Variants in VWA8 observed in about 807,000 individuals in gnomAD.
VWA8 encodes the protein von Willebrand factor A domain-containing protein 8.
VWA8 carries 221 observed loss-of-function variants against 241.5 expected under a neutral mutation model. The observed-to-expected ratio is 0.91, with a 90% CI of 0.82 to 1.02. The LOEUF (loss-of-function observed/expected upper bound fraction) is 1.02, where lower values mean the gene tolerates loss of function less well. Ranked by LOEUF, VWA8 falls within the 50% of genes least tolerant of loss-of-function variation. VWA8 has a pLI of 0.00. For synonymous variants in VWA8, 852 were observed against 827.1 expected, an observed-to-expected ratio of 1.03 and a Z score of -0.52; for missense variants, 2,322 against 2,328.7, an observed-to-expected ratio of 1.00 and a Z score of 0.06.
At chr13:41,766,970 A>T (rs2045783382) in intron 20 of VWA8, among the ~76,000 whole-genome samples, 1 of 152,196 alleles carries the variant, frequency 6.6e-6, no homozygotes, top group Non-Finnish European at 1.5e-5. Context: ...ACAGTGAGGA[A>T]GCAAATCCAG....
intron 43 of VWA8, among the ~76,000 whole-genome samples, chr13:41,573,480 A>ATAAATAAAT (rs1236419922): frequency 8.9e-6 from 1 of 112,466 alleles, no homozygotes; most frequent in African/African-American, 4.3e-5. Context: ...AGTTTAAAAA[A>ATAAATAAAT]AAAAAAATAT....
chr13:41,807,295 T>C (rs1349125699), intron 17 of VWA8, among the ~76,000 whole-genome samples: 1 of 152,086 alleles, frequency 6.6e-6, no homozygotes, highest in Non-Finnish European at 1.5e-5. Flanking sequence ...ACTGAAACCA[T>C]TCTGAAAAAT....
intron 40 of VWA8, among the ~76,000 whole-genome samples, chr13:41,604,807 T>C (rs1423965043): frequency 1.3e-5 from 2 of 152,182 alleles, no homozygotes; most frequent in Non-Finnish European, 2.9e-5. Flanking sequence ...GCACAATTTC[T>C]AATTTGAAAT....
Position 41,662,468 on chromosome 13 carries a change from A to G in VWA8, c.4611+8478T>C, listed in dbSNP as rs73181197. On this transcript the variant is annotated intron_variant, in intron 37 of 44. Transcript: ENST00000379310. Reference sequence around the variant, plus strand: ...TTATCAATTGTTAGTATATAGAAATATAATTGATTTTTGGCTTCGATAAAC... The same window carrying G: ...TTATCAATTGTTAGTATATAGAAATGTAATTGATTTTTGGCTTCGATAAAC... Among the ~76,000 whole-genome samples, 635 of 151,626 alleles carry G rather than the reference A, an allele frequency of 4.2e-3. 2 individuals carry two copies. Among genetic ancestry groups the G allele is most frequent in the Non-Finnish European group, 6.0e-3 (406 of 67,882 alleles).
At chr13:41,716,006 C>T (rs1467450680) in intron 26 of VWA8, among the ~76,000 whole-genome samples, 5 of 152,086 alleles carry the variant, frequency 3.3e-5, no homozygotes, top group Admixed American at 3.3e-4. Context: ...ATACTTTCTC[C>T]CGTATACTTC....
At chr13:41,872,742 A>C (rs1873693993) in intron 9 of VWA8, among the ~76,000 whole-genome samples, 1 of 152,122 alleles carries the variant, frequency 6.6e-6, no homozygotes, top group Admixed American at 6.6e-5. Context: ...AGGTAGTGTG[A>C]TGCCTCCAGC....
At chr13:41,637,575 A>G (rs1190323908) in intron 37 of VWA8, among the ~76,000 whole-genome samples, 1 of 151,542 alleles carries the variant, frequency 6.6e-6, no homozygotes, top group Non-Finnish European at 1.5e-5. Context: ...AAAAAAAGAA[A>G]TAAAAAAAAA....
At chr13:41,810,687 A>C (rs1870426673) in intron 17 of VWA8, among the ~76,000 whole-genome samples, 1 of 152,086 alleles carries the variant, frequency 6.6e-6, no homozygotes, top group Non-Finnish European at 1.5e-5. Context: ...TAGAATGAAG[A>C]TCTAGTATTT....
chr13:41,629,441 T>C (rs548483767), intron 37 of VWA8, among the ~76,000 whole-genome samples: 23 of 152,358 alleles, frequency 1.5e-4, no homozygotes, highest in African/African-American at 5.0e-4. Flanking sequence ...TTCAGCTTTA[T>C]ATTCTTATGC....
chr13:41,688,936 C>T (rs756424582), intron 34 of VWA8, among the ~76,000 whole-genome samples: 6 of 151,942 alleles, frequency 3.9e-5, no homozygotes, highest in Non-Finnish European at 7.4e-5. Context: ...TGCAATTTAC[C>T]TATATAACAA....
At chr13:41,728,705 G>C (rs1057459289) in intron 23 of VWA8, among the ~76,000 whole-genome samples, 7 of 151,718 alleles carry the variant, frequency 4.6e-5, no homozygotes, top group African/African-American at 1.7e-4. Context: ...ATATTAGAAT[G>C]CTTTTATTAG....
intron 21 of VWA8, among the ~76,000 whole-genome samples, chr13:41,753,531 T>A (rs1443542858): frequency 1.3e-5 from 2 of 152,206 alleles, no homozygotes; most frequent in African/African-American, 4.8e-5. Flanking sequence ...TTTAAATGTA[T>A]ACTTTCAAAA....
chr13:41,599,461 T>C (rs894095378), intron 40 of VWA8, among the ~76,000 whole-genome samples: 1 of 152,146 alleles, frequency 6.6e-6, no homozygotes, highest in Non-Finnish European at 1.5e-5. Flanking sequence ...CCCAGCAGCA[T>C]CTTCTATATC....
intron 17 of VWA8, among the ~76,000 whole-genome samples, chr13:41,799,596 C>T (rs1869855994): frequency 6.6e-6 from 1 of 152,164 alleles, no homozygotes; most frequent in African/African-American, 2.4e-5. Flanking sequence ...AACCTCTCCA[C>T]CTCACATATG....
chr13:41,692,066 A>T (rs2045181939), intron 30 of VWA8, 128 bp from the exon 31 acceptor site: 5 of 609,380 alleles, frequency 8.2e-6, no homozygotes, highest in African/African-American at 1.8e-5. Flanking sequence ...CAAACAAGCT[A>T]TCTATTTATC....
chr13:41,690,773 T>C (rs1200770067), intron 32 of VWA8, among the ~76,000 whole-genome samples: 2 of 152,156 alleles, frequency 1.3e-5, no homozygotes, highest in African/African-American at 2.4e-5. Flanking sequence ...AGAAAGAGTC[T>C]GCACTTAGCT....
At chr13:41,720,446 G>C (rs1235764455) in intron 25 of VWA8, among the ~76,000 whole-genome samples, 1 of 151,790 alleles carries the variant, frequency 6.6e-6, no homozygotes, top group Non-Finnish European at 1.5e-5. Flanking sequence ...ATATTTATGG[G>C]GTACAATGTG....
At position 41,776,312 on chromosome 13, in the gene VWA8, T is replaced by A. The variant is rs527932615; in HGVS notation, c.2349+1673A>T. Among the ~76,000 whole-genome samples the A allele has an allele frequency of 3.5e-4, 54 of 152,250 alleles. 1 individual carries two copies. The highest frequency in any genetic ancestry group is 5.6e-4 in the Non-Finnish European group (38 of 68,020). The stretch of plus-strand genomic sequence containing the variant: ...GAGTTTGTGAAACTCTTATAAAAAA[T>A]TTACAAAGTACTTTGGGCTATATAC... On this transcript the variant is annotated intron_variant, in intron 20 of 44. Coordinates refer to ENST00000379310, the MANE Select transcript of VWA8 (RefSeq NM_015058.2).
In VWA8 at chr13:41,699,249, T is replaced by C. The variant is rs200921260; in HGVS notation, c.3386A>G (p.Tyr1129Cys). ...TSHENEQNTL[Y>C]VVTCNPASLY... The stretch of plus-strand genomic sequence containing the variant: ...GGAAGCGGGATTGCATGTAACTACA[T>C]AGAGAGTATTTTGCTCATTTTCTGA... The change falls in exon 29 of 45, where the codon TAT becomes TGT. Residue 1129 changes from tyrosine to cysteine, a missense_variant. Transcript: ENST00000379310. The C allele has an allele frequency of 1.1e-4, 172 of 1,613,986 alleles. No homozygotes were observed. Among genetic ancestry groups the C allele is most frequent in the Non-Finnish European group, 1.4e-4 (161 of 1,180,008 alleles).
Sources: gnomAD v4.1 joint callset for allele counts (sites outside exome capture counted in the v4.1 genomes callset) on GRCh38, gnomAD v4.1.1 for gene constraint, MANE v1.5 for transcripts, NCBI Gene and HGNC (gene_info 2026-07-23, HGNC 2026-07-21) for gene names.